The following SEL1L3 variants were observed in gnomAD, a reference collection of about 807,000 sequenced individuals.
The protein encoded by SEL1L3 is SEL1L family member 3.
A neutral mutation model predicts 142.8 loss-of-function variants in SEL1L3; 76 were observed. That is an observed-to-expected ratio of 0.53 (90% CI 0.44 to 0.64). The LOEUF (loss-of-function observed/expected upper bound fraction) is 0.64. Ranked by LOEUF, SEL1L3 falls within the 30% of genes least tolerant of loss-of-function variation. SEL1L3 has a pLI of 0.00. For synonymous variants in SEL1L3, 504 were observed against 519.6 expected, an observed-to-expected ratio of 0.97 and a Z score of 0.41; for missense variants, 1,262 against 1,381.7, an observed-to-expected ratio of 0.91 and a Z score of 1.37.
chr4:25,858,026 C>G (rs1463585994), intron 1 of SEL1L3, among the ~76,000 whole-genome samples: 1 of 152,232 alleles, frequency 6.6e-6, no homozygotes, highest in Non-Finnish European at 1.5e-5. Context: ...CCTCATGGGC[C>G]GAACACGCCT....
intron 2 of SEL1L3, among the ~76,000 whole-genome samples, chr4:25,838,121 CCCTT>C (rs1311637187): frequency 1.3e-5 from 2 of 152,320 alleles, no homozygotes; most frequent in East Asian, 3.9e-4. Flanking sequence ...GAACCTGTCT[CCCTT>C]CCTCCTAGTA....
chr4:25,859,714 A>G (rs551852724), intron 1 of SEL1L3, among the ~76,000 whole-genome samples: 2 of 152,322 alleles, frequency 1.3e-5, no homozygotes, highest in East Asian at 3.9e-4. Flanking sequence ...ATGCACATTC[A>G]TCCAAACTCA....
At chr4:25,792,563 A>G (rs1341573877) in intron 11 of SEL1L3, among the ~76,000 whole-genome samples, 2 of 152,240 alleles carry the variant, frequency 1.3e-5, no homozygotes, top group Non-Finnish European at 2.9e-5. Flanking sequence ...CTGAAGCCTG[A>G]GCTGCCCTGA....
At chr4:25,758,398 G>A (rs1718140792) in intron 21 of SEL1L3, among the ~76,000 whole-genome samples, 1 of 152,188 alleles carries the variant, frequency 6.6e-6, no homozygotes, top group African/African-American at 2.4e-5. Context: ...TTGAACCCAA[G>A]AAGTGGAGGT....
chr4:25,779,115 T>A lies in SEL1L3; in HGVS notation c.2546A>T (p.Asn849Ile). 2 of 1,613,662 alleles carry A rather than the reference T, an allele frequency of 1.2e-6. No individual in the cohort carries two copies. Among genetic ancestry groups the A allele is most frequent in the Non-Finnish European group, 1.7e-6 (2 of 1,179,638 alleles). Residue 849 changes from asparagine (N) to isoleucine (I), a missense_variant, in exon 16 of 24, where the codon AAC becomes ATC. Physicochemically the swap from Asn to Ile is moderately radical, Grantham distance 149. This residue lies in a region of SEL1L3 where 435 missense variants were observed against 559.2 expected (regional missense o/e 0.78). Transcript: ENST00000399878. The stretch of plus-strand genomic sequence containing the variant: ...AGGATCTCTAGGGAATGTCTCCAGG[T>A]TGCCTGTGATATAGTAGAGAGAACA... ...LWCSLYYITG[N>I]LETFPRDPEK...
At chr4:25,863,397 C>A, upstream of SEL1L3, 1 of 695,930 alleles carries the variant, frequency 1.4e-6, no homozygotes, top group Non-Finnish European at 2.6e-6. Context: ...CCTTCCCATC[C>A]TCTTCCTCGC....
At chr4:25,856,104 C>A (rs1717236317) in intron 1 of SEL1L3, among the ~76,000 whole-genome samples, 1 of 152,188 alleles carries the variant, frequency 6.6e-6, no homozygotes, top group Non-Finnish European at 1.5e-5. Flanking sequence ...CCTTTTCAGA[C>A]AACTGCCCTA....
chr4:25,858,819 C>G (rs1224484316), intron 1 of SEL1L3, among the ~76,000 whole-genome samples: 1 of 152,082 alleles, frequency 6.6e-6, no homozygotes, highest in African/African-American at 2.4e-5. Flanking sequence ...CTCCTGACCT[C>G]GTGATCCGCC....
intron 6 of SEL1L3, among the ~76,000 whole-genome samples, chr4:25,824,176 C>T (rs1019913920): frequency 3.3e-5 from 5 of 152,110 alleles, no homozygotes; most frequent in Non-Finnish European, 7.4e-5. Context: ...AGTCTGTTTT[C>T]CAAGACCTTG....
At chr4:25,745,394 CA>C (rs111275488), downstream of SEL1L3, among the ~76,000 whole-genome samples, 16,479 of 115,388 alleles carry the variant, frequency 0.14, 1,350 homozygotes, top group African/African-American at 0.29. Context: ...GACTCAGTCT[CA>C]AAAAAAAAAA....
At chr4:25,821,812 CA>C (rs1161984241) in intron 7 of SEL1L3, among the ~76,000 whole-genome samples, 183 bp downstream of exon 7, 1 of 152,076 alleles carries the variant, frequency 6.6e-6, no homozygotes, top group Non-Finnish European at 1.5e-5. Context: ...CTAAATGAAC[CA>C]AATGTTAACA....
intron 23 of SEL1L3, chr4:25,756,038 A>G: frequency 2.0e-6 from 2 of 985,356 alleles, no homozygotes; most frequent in Non-Finnish European, 1.2e-6. Flanking sequence ...ATCAGAGAGA[A>G]ATGATTTCGC....
intron 13 of SEL1L3, among the ~76,000 whole-genome samples, 163 bp from the exon 14 acceptor site, chr4:25,784,453 T>A (rs1711643874): frequency 6.6e-6 from 1 of 152,234 alleles, no homozygotes. Flanking sequence ...TTCATTATCA[T>A]CATCATTATT....
intron 23 of SEL1L3, among the ~76,000 whole-genome samples, chr4:25,749,816 G>A (rs748706040): frequency 6.6e-6 from 1 of 152,148 alleles, no homozygotes. Flanking sequence ...GTTTTTGTAC[G>A]GCTCGTGGTT....
chr4:25,799,213 G>A (rs1444016684), intron 11 of SEL1L3, among the ~76,000 whole-genome samples: 3 of 152,186 alleles, frequency 2.0e-5, no homozygotes, highest in South Asian at 4.2e-4. Context: ...TAGCTGGGAT[G>A]ACAGATGCGC....
At chr4:25,723,004 G>C in the SEL1L3 span, among the ~76,000 whole-genome samples, 1 of 152,108 alleles carries the variant, frequency 6.6e-6, no homozygotes, top group South Asian at 2.1e-4. Context: ...AGAGTGTCCC[G>C]GCCTGACCCC....
At chr4:25,830,460 T>C (rs768342744) in intron 5 of SEL1L3, among the ~76,000 whole-genome samples, 6 of 152,188 alleles carry the variant, frequency 3.9e-5, no homozygotes, top group Non-Finnish European at 8.8e-5. Context: ...GCTTGTTGTG[T>C]AGAAAGACAA....
chr4:25,735,786 G>C, the SEL1L3 span, among the ~76,000 whole-genome samples: 1 of 148,036 alleles, frequency 6.8e-6, no homozygotes, highest in African/African-American at 2.5e-5. Context: ...TTTTTGACCA[G>C]TGGATTCTTT....
the SEL1L3 span, among the ~76,000 whole-genome samples, chr4:25,728,517 C>A: frequency 2.6e-5 from 4 of 152,150 alleles, no homozygotes; most frequent in South Asian, 8.3e-4. Flanking sequence ...GTTCTTCCCA[C>A]CTGGCATGCC....
Sources: allele counts gnomAD v4.1 joint callset (sites outside exome capture counted in the v4.1 genomes callset), GRCh38; gene constraint gnomAD v4.1.1; regional missense constraint gnomAD v4.1.1; transcripts MANE v1.5; gene names NCBI Gene and HGNC (gene_info 2026-07-23, HGNC 2026-07-21).